CC2D2B: variants seen among roughly 807,000 people sequenced by gnomAD.
CC2D2B encodes protein CC2D2B.
CC2D2B carries 128 observed loss-of-function variants against 161.2 expected under a neutral mutation model. The ratio of observed to expected loss-of-function variants is 0.79; its 90% CI spans 0.69 to 0.92. CC2D2B has a LOEUF of 0.92. Among genes scored for constraint, CC2D2B ranks in the 40% least tolerant of loss-of-function variants. The probability of loss-of-function intolerance (pLI) is 0.00; values close to 1 mark genes in which losing one functional copy is unlikely to be tolerated. For synonymous variants in CC2D2B, 391 were observed against 449.8 expected (o/e 0.87, Z 1.65); for missense variants, 1,173 against 1,375.1 (o/e 0.85, Z 2.32).
rs1564684320 is a variant in CC2D2B, at chr10:96,025,188, AAAAAAT to A, written c.3947+279_3947+284del. Among the ~76,000 whole-genome samples, 140 of 49,562 alleles carry A rather than the reference AAAAAAT, an allele frequency of 2.8e-3. 3 individuals are homozygous for A. The highest frequency in any genetic ancestry group is 8.2e-3 in the Middle Eastern group (1 of 122). 32.5% of individuals were successfully genotyped at this position (49,562 alleles called of 152,430 possible). A position where few individuals can be genotyped will look rare whatever the true frequency, so the allele number is the denominator to read the frequency against. ...ATATATATATATATATATATATAAA[AAAAAAT>A]ATATATATATATATATATATATATA... On this transcript the variant is annotated intron_variant, in intron 33 of 34. Coordinates refer to ENST00000646931, the MANE Select transcript of CC2D2B (RefSeq NM_001349008.3).
intron 2 of CC2D2B, among the ~76,000 whole-genome samples, chr10:95,912,888 C>T (rs2098508998): frequency 6.6e-6 from 1 of 152,044 alleles, no homozygotes; most frequent in South Asian, 2.1e-4. Context: ...TTTATACAGG[C>T]ATACCATGTG....
chr10:95,965,709 A>G (rs1022387940), intron 12 of CC2D2B, among the ~76,000 whole-genome samples, 187 bp from the exon 13 acceptor site: 1 of 151,944 alleles, frequency 6.6e-6, no homozygotes, highest in Non-Finnish European at 1.5e-5. Flanking sequence ...GCCGAGAACA[A>G]GCTTATAAAG....
intron 24 of CC2D2B, among the ~76,000 whole-genome samples, chr10:95,997,292 C>T (rs2078268486): frequency 6.6e-6 from 1 of 152,124 alleles, no homozygotes; most frequent in Admixed American, 6.6e-5. Context: ...AGCAATATTG[C>T]TTTGAACATT....
rs2080100923 is a variant in CC2D2B at position 96,032,635 on chromosome 10, T to C, written c.*627T>C. 2.8e-6 allele frequency: 1 copy of C among 353,754 alleles called. No homozygotes were observed. The allele number at this position is 353,754 out of a possible 1,614,324, so 21.9% of individuals were successfully genotyped here. A position where few individuals can be genotyped will look rare whatever the true frequency, so the allele number is the denominator to read the frequency against. On this transcript the variant is annotated 3_prime_UTR_variant, in exon 35 of 35. Transcript: ENST00000646931. ...GTCATTGCCTCTCATGGATAAAATG[T>C]TATTTCACTGGTAAAGAAAAATAAA...
At chr10:95,909,024 G>A (rs751441560) in intron 1 of CC2D2B, among the ~76,000 whole-genome samples, 12 of 151,836 alleles carry the variant, frequency 7.9e-5, no homozygotes, top group Non-Finnish European at 1.8e-4. Context: ...AGCAGGACAT[G>A]ATGACTTGGG....
intron 25 of CC2D2B, among the ~76,000 whole-genome samples, chr10:96,006,568 A>C (rs1796706866): frequency 6.6e-6 from 1 of 151,912 alleles, no homozygotes; most frequent in African/African-American, 2.4e-5. Context: ...CACTGTCCCA[A>C]CTCTATGACT....
intron 11 of CC2D2B, among the ~76,000 whole-genome samples, chr10:95,957,560 T>TG (rs2076610373): frequency 1.4e-5 from 2 of 138,766 alleles, no homozygotes; most frequent in Non-Finnish European, 3.1e-5. Flanking sequence ...ATGATTTTTT[T>TG]TTTTTTTTTT....
At chr10:95,963,481 T>C (rs1334583227) in intron 12 of CC2D2B, among the ~76,000 whole-genome samples, 1 of 152,124 alleles carries the variant, frequency 6.6e-6, no homozygotes, top group African/African-American at 2.4e-5. Context: ...ATAAGGTAAT[T>C]GAGTGGGCAG....
intron 30 of CC2D2B, among the ~76,000 whole-genome samples, chr10:96,018,092 G>A (rs1279310428): frequency 2.0e-5 from 3 of 152,132 alleles, no homozygotes; most frequent in African/African-American, 4.8e-5. Flanking sequence ...TATGAAAGAT[G>A]GGCATAATAA....
At chr10:95,993,946 GTATGTGTATA>G (rs1486613218) in intron 22 of CC2D2B, among the ~76,000 whole-genome samples, 1,662 of 28,878 alleles carry the variant, frequency 0.058, 103 homozygotes, top group Middle Eastern at 0.13. Context: ...GTGTGTGTAT[GTATGTGTATA>G]TATATATATA....
chr10:96,013,804 T>C lies in CC2D2B; in HGVS notation c.3443T>C (p.Phe1148Ser). The C allele has an allele frequency of 1.2e-6, 2 of 1,602,760 alleles. 1 individual carries two copies. Among genetic ancestry groups the C allele is most frequent in the South Asian group, 2.2e-5 (2 of 89,832 alleles). ...SNATFDLIAR[F>S]VSLIPFVPNT... Reference sequence around the variant, plus strand: ...TTATTCTAGGACCTCATTGCTCGATTTGTATCTTTGATTCCTTTTGTGCCT... The same window carrying C: ...TTATTCTAGGACCTCATTGCTCGATCTGTATCTTTGATTCCTTTTGTGCCT... The change falls in exon 29 of 35, where the codon TTT (phenylalanine) becomes TCT (serine). Residue 1148 changes from phenylalanine (F) to serine (S), a missense_variant. Physicochemically the swap from Phe to Ser is radical, Grantham distance 155. Coordinates refer to ENST00000646931, the MANE Select transcript of CC2D2B (RefSeq NM_001349008.3).
rs746312208 is a variant in CC2D2B, at chr10:95,938,891, C to T, written c.767C>T (p.Pro256Leu). The change falls in exon 9 of 35, where the codon CCT becomes CTT. Residue 256 changes from proline to leucine, a missense_variant. By Grantham distance (98) the Pro-to-Leu change is moderately conservative. Coordinates refer to ENST00000646931, the MANE Select transcript of CC2D2B (RefSeq NM_001349008.3). ...WNFRLNVRKE[P>L]LNPLLKTIYR... is the part of the protein sequence containing the mutation. ...TTCAGACTAAATGTAAGGAAGGAAC[C>T]TTTAAATCCATTACTTAAGACCATA... 1 of 713,678 alleles carries T rather than the reference C, an allele frequency of 1.4e-6. No individual in the cohort carries two copies. Among genetic ancestry groups the T allele is most frequent in the African/African-American group, 1.8e-5 (1 of 57,106 alleles). 44.2% of individuals were successfully genotyped at this position (713,678 alleles called of 1,614,324 possible).
At chr10:95,946,767 A>G (rs1296270330) in intron 9 of CC2D2B, among the ~76,000 whole-genome samples, 1 of 152,096 alleles carries the variant, frequency 6.6e-6, no homozygotes, top group Non-Finnish European at 1.5e-5. Context: ...GGCACCGTAC[A>G]GATGGCTTTC....
chr10:96,012,486 G>A, intron 27 of CC2D2B, 46 bp from the exon 28 acceptor site: 1 of 1,353,172 alleles, frequency 7.4e-7, no homozygotes, highest in Non-Finnish European at 1.0e-6. Context: ...ATTTTCTTGT[G>A]AGAACAATAC....
chr10:95,967,954 G>C (rs918979769), intron 14 of CC2D2B, among the ~76,000 whole-genome samples: 1 of 152,136 alleles, frequency 6.6e-6, no homozygotes, highest in African/African-American at 2.4e-5. Context: ...CTGAGAAAGA[G>C]GGTCAAGTCT....
intron 16 of CC2D2B, among the ~76,000 whole-genome samples, chr10:95,973,593 T>C (rs1007824372): frequency 2.0e-5 from 3 of 152,126 alleles, no homozygotes; most frequent in Admixed American, 6.5e-5. Flanking sequence ...GCGTGGTGGC[T>C]CACACCTGTA....
In CC2D2B at chr10:96,013,774, G is replaced by T; in HGVS notation, c.3427-14G>T. ...CATACAGCACACACTCAATAAATGT[G>T]AATATTATTCTAGGACCTCATTGCT... On this transcript the variant is annotated splice_polypyrimidine_tract_variant and intron_variant, in intron 28 of 34. Coordinates refer to ENST00000646931, the MANE Select transcript of CC2D2B (RefSeq NM_001349008.3). The T allele has an allele frequency of 6.6e-7, 1 of 1,526,442 alleles. No individual in the cohort carries two copies. Among genetic ancestry groups the T allele is most frequent in the South Asian group, 1.1e-5 (1 of 87,616 alleles). 94.6% of individuals were successfully genotyped at this position (1,526,442 alleles called of 1,614,324 possible).
At chr10:96,029,240 CCATATATATATATATATATATATATA>C (rs1163209441) in intron 34 of CC2D2B, among the ~76,000 whole-genome samples, 4 of 56,110 alleles carry the variant, frequency 7.1e-5, no homozygotes, top group Non-Finnish European at 1.5e-4. Context: ...TTTTCATGTA[CCATATATATATATATATATATATATA>C]TATATATATA....
chr10:95,965,896 G>T lies in CC2D2B; in HGVS notation c.1251G>T (p.Arg417Ser). The change falls in exon 13 of 35, where the codon AGG (arginine) becomes AGT (serine). Residue 417 changes from arginine (R) to serine (S), a missense_variant and splice_region_variant. Physicochemically the swap from Arg to Ser is moderately radical, Grantham distance 110. Transcript: ENST00000646931. ...AATAATTCTGTTTATTATTAATTAG[G>T]ATTAAAATGAATAAATGTGATGAAC... ...TSTPIKLQVQ[R>S]IKMNKCDEQE... 1 of 1,124,226 alleles carries T rather than the reference G, an allele frequency of 8.9e-7. No homozygotes were observed. Among genetic ancestry groups the T allele is most frequent in the Non-Finnish European group, 1.1e-6 (1 of 892,518 alleles). The allele number at this position is 1,124,226 out of a possible 1,614,324, so 69.6% of individuals were successfully genotyped here.
Sources: allele counts gnomAD v4.1 joint callset (sites outside exome capture counted in the v4.1 genomes callset), GRCh38; gene constraint gnomAD v4.1.1; transcripts MANE v1.5; gene names NCBI Gene and HGNC (gene_info 2026-07-23, HGNC 2026-07-21).